Variants in IGFBP7 observed in about 807,000 individuals in gnomAD.
IGFBP7 encodes the protein insulin-like growth factor-binding protein 7.
Under a neutral mutation model 29.4 loss-of-function variants are expected in IGFBP7, and 31 were observed. The ratio of observed to expected loss-of-function variants is 1.05; its 90% CI spans 0.79 to 1.42. The LOEUF is 1.42. IGFBP7 is among the 40% of genes most tolerant of loss of function. The pLI is 0.00. For synonymous variants in IGFBP7, 172 were observed against 174.9 expected, an observed-to-expected ratio of 0.98 and a Z score of 0.13; for missense variants, 393 against 395.5, an observed-to-expected ratio of 0.99 and a Z score of 0.05.
At chr4:57,057,008 T>A (rs1578621956) in intron 1 of IGFBP7, among the ~76,000 whole-genome samples, 1 of 148,388 alleles carries the variant, frequency 6.7e-6, no homozygotes, top group Non-Finnish European at 1.5e-5. Context: ...TATAGTAGAT[T>A]TTTTTTTCTT....
intron 1 of IGFBP7, among the ~76,000 whole-genome samples, chr4:57,098,776 T>C (rs994076251): frequency 2.0e-5 from 3 of 152,228 alleles, no homozygotes; most frequent in African/African-American, 7.2e-5. Flanking sequence ...AAACGCTCTA[T>C]GGCTTCCTGA....
chr4:57,072,996 T>A (rs1272053597), intron 1 of IGFBP7: 2 of 933,838 alleles, frequency 2.1e-6, no homozygotes, highest in Non-Finnish European at 3.4e-6. Context: ...CTGCTCTCCA[T>A]CCACAGCCTT....
chr4:57,085,338 G>T (rs1669454168), intron 1 of IGFBP7, among the ~76,000 whole-genome samples: 2 of 152,098 alleles, frequency 1.3e-5, no homozygotes, highest in Middle Eastern at 3.2e-3. Context: ...CATATCTTCA[G>T]TGGTTGCTGC....
intron 1 of IGFBP7, among the ~76,000 whole-genome samples, chr4:57,107,740 T>C (rs1436455908): frequency 6.6e-6 from 1 of 152,186 alleles, no homozygotes; most frequent in East Asian, 1.9e-4. Context: ...TCCCCAAATA[T>C]AAAGAAAAGC....
chr4:57,045,800 A>G (rs905966601), intron 1 of IGFBP7, among the ~76,000 whole-genome samples: 5 of 147,244 alleles, frequency 3.4e-5, no homozygotes, highest in African/African-American at 7.6e-5. Flanking sequence ...ATCTCGGCTC[A>G]CTGCAACCTC....
intron 1 of IGFBP7, among the ~76,000 whole-genome samples, chr4:57,043,102 CT>C (rs1724271361): frequency 6.6e-6 from 1 of 152,178 alleles, no homozygotes; most frequent in Admixed American, 6.5e-5. Context: ...TGAACACCAA[CT>C]TTTTAGTTAC....
intron 1 of IGFBP7, among the ~76,000 whole-genome samples, chr4:57,091,858 T>C (rs1309553894): frequency 1.3e-5 from 2 of 152,174 alleles, no homozygotes; most frequent in Admixed American, 6.5e-5. Context: ...GTGGTAAAAA[T>C]GTTGTAAGTA....
chr4:57,097,975 T>C (rs909581188), intron 1 of IGFBP7, among the ~76,000 whole-genome samples: 1 of 152,166 alleles, frequency 6.6e-6, no homozygotes, highest in African/African-American at 2.4e-5. Flanking sequence ...TCCTACCCCT[T>C]GGGCTTGTCC....
chr4:57,040,722 G>T, intron 2 of IGFBP7, 102 bp downstream of exon 2: 2 of 864,690 alleles, frequency 2.3e-6, no homozygotes, highest in Non-Finnish European at 3.8e-6. Flanking sequence ...TGCGGGAGCC[G>T]CAGTCAACAA....
chr4:57,052,230 A>G (rs1578617513), intron 1 of IGFBP7, among the ~76,000 whole-genome samples: 2 of 152,228 alleles, frequency 1.3e-5, no homozygotes, highest in African/African-American at 4.8e-5. Context: ...ACTACCCAGT[A>G]ACTGACTGGA....
chr4:57,035,401 A>G (rs1724057985), intron 2 of IGFBP7, among the ~76,000 whole-genome samples: 1 of 152,322 alleles, frequency 6.6e-6, no homozygotes, highest in Non-Finnish European at 1.5e-5. Flanking sequence ...ACAAATTTTT[A>G]TATGTCAAAC....
chr4:57,074,263 G>C (rs547456311), intron 1 of IGFBP7, among the ~76,000 whole-genome samples: 3 of 152,192 alleles, frequency 2.0e-5, no homozygotes, highest in African/African-American at 7.2e-5. Flanking sequence ...GTCTTGCCAT[G>C]TTGGCCAGTC....
intron 1 of IGFBP7, among the ~76,000 whole-genome samples, chr4:57,103,543 T>C (rs749826544): frequency 6.6e-6 from 1 of 152,198 alleles, no homozygotes; most frequent in Non-Finnish European, 1.5e-5. Context: ...TGTAGACATT[T>C]TGGAATGGCT....
In IGFBP7 at chr4:57,032,490, T is replaced by C; in HGVS notation, c.765A>G (p.Gly255=). The C allele has an allele frequency of 1.9e-6, 3 of 1,614,094 alleles. No individual in the cohort carries two copies. Among genetic ancestry groups the C allele is most frequent in the Non-Finnish European group, 2.5e-6 (3 of 1,179,938 alleles). The change falls in exon 4 of 5, where the codon GGA becomes GGG. Residue 255 remains glycine (G), a synonymous_variant. Coordinates refer to ENST00000295666, the MANE Select transcript of IGFBP7 (RefSeq NM_001553.3). The stretch of plus-strand genomic sequence containing the variant: ...TAATTTTTGCTGATGCTGAAGCCTG[T>C]CCTTGGGAATTGGATGCATGGCACT... The part of the protein sequence containing the change: ...EYECHASNSQ[G]QASASAKITV...
At chr4:57,076,108 G>C (rs772527692) in intron 1 of IGFBP7, among the ~76,000 whole-genome samples, 2 of 152,174 alleles carry the variant, frequency 1.3e-5, no homozygotes, top group Non-Finnish European at 2.9e-5. Context: ...GTTCTGGGGA[G>C]GCCCACTTCT....
intron 1 of IGFBP7, among the ~76,000 whole-genome samples, chr4:57,091,223 G>C (rs1430273640): frequency 2.0e-5 from 3 of 152,222 alleles, no homozygotes; most frequent in Non-Finnish European, 4.4e-5. Flanking sequence ...AGAGTAACTG[G>C]AGACTGTGGA....
rs535303343 is a variant in IGFBP7, at chr4:57,088,089, C to T, written c.475+21788G>A. 2.6e-5 allele frequency among the ~76,000 whole-genome samples: 4 copies of T among 152,308 alleles called. No homozygotes were observed. In the Middle Eastern group the frequency reaches 0.014, roughly 518 times the overall value. ...GTTCAAGTGATCCTCCTACCTCAGC[C>T]TCCTGAGTAGCTGGGACTACAGATA... On this transcript the variant is annotated intron_variant, in intron 1 of 4. Coordinates refer to ENST00000295666, the MANE Select transcript of IGFBP7 (RefSeq NM_001553.3).
At chr4:57,047,165 G>A (rs1438495906) in intron 1 of IGFBP7, among the ~76,000 whole-genome samples, 1 of 152,196 alleles carries the variant, frequency 6.6e-6, no homozygotes, top group Non-Finnish European at 1.5e-5. Flanking sequence ...GGTACGCGGT[G>A]GAAGGTAATT....
intron 1 of IGFBP7, among the ~76,000 whole-genome samples, chr4:57,078,332 G>A (rs925125572): frequency 3.9e-5 from 6 of 152,058 alleles, no homozygotes; most frequent in Non-Finnish European, 7.3e-5. Context: ...TGATAGAGCT[G>A]GGATTAAAAA....
Sources: gnomAD v4.1 joint callset for allele counts (sites outside exome capture counted in the v4.1 genomes callset) on GRCh38, gnomAD v4.1.1 for gene constraint, MANE v1.5 for transcripts, NCBI Gene and HGNC (gene_info 2026-07-23, HGNC 2026-07-21) for gene names.